Variants in GTPBP2 observed in about 807,000 individuals in gnomAD.
GTPBP2 encodes GTP binding protein 2.
Under a neutral mutation model 63.0 loss-of-function variants are expected in GTPBP2, and 32 were observed. The ratio of observed to expected loss-of-function variants is 0.51; its 90% confidence interval spans 0.38 to 0.68. The LOEUF (loss-of-function observed/expected upper bound fraction) is 0.68, where lower values mean the gene tolerates loss of function less well. Among genes scored for constraint, GTPBP2 ranks in the 30% least tolerant of loss-of-function variants. The pLI is 0.00. For synonymous variants in GTPBP2, 310 were observed against 322.6 expected, an observed-to-expected ratio of 0.96 and a Z score of 0.42; for missense variants, 492 against 796.9, an observed-to-expected ratio of 0.62 and a Z score of 4.61.
At chr6:43,623,551 T>A in intron 9 of GTPBP2, 186 bp downstream of exon 9, 3 of 611,962 alleles carry the variant, frequency 4.9e-6, no homozygotes, top group Non-Finnish European at 8.8e-6. Flanking sequence ...AGCAATACTG[T>A]TTCTTCCCTC....
rs1768646847 is a variant in GTPBP2 at position 43,620,525 on chromosome 6, A to G, written c.*1089T>C. On this transcript the variant is annotated 3_prime_UTR_variant, in exon 12 of 12. Transcript: ENST00000307126. ...AAAACATTTTTATTCTGTACAATAT[A>G]TATGTGTATTTAAATATATATACAT... is the stretch of plus-strand genomic sequence containing the variant. 1 of 214,032 alleles carries G rather than the reference A, an allele frequency of 4.7e-6. No homozygotes were observed. Among genetic ancestry groups the G allele is most frequent in the Non-Finnish European group, 9.5e-6 (1 of 105,310 alleles). 13.3% of individuals were successfully genotyped at this position (214,032 alleles called of 1,614,324 possible).
chr6:43,624,164 TG>T lies in GTPBP2; in HGVS notation c.1101-97del. On this transcript the variant is annotated intron_variant, in intron 7 of 11. Transcript: ENST00000307126. The surrounding 1 kb of genome is among the most constrained non-coding windows in gnomAD (Gnocchi z 5.1). ...ATGGAAAGGTGAGCTTTGTTCTGGC[TG>T]GGGGCCCCTCTCTCCTGTCTGCAAA... The T allele has an allele frequency of 8.6e-7, 1 of 1,156,980 alleles. No individual in the cohort carries two copies. Among genetic ancestry groups the T allele is most frequent in the Non-Finnish European group, 1.2e-6 (1 of 825,236 alleles). The allele number at this position is 1,156,980 out of a possible 1,614,324, so 71.7% of individuals were successfully genotyped here.
In GTPBP2 at chr6:43,625,901, G is replaced by A; in HGVS notation, c.399-37C>T. The A allele has an allele frequency of 6.6e-7, 1 of 1,505,246 alleles. No homozygotes were observed. The highest frequency in any genetic ancestry group is 1.1e-5 in the South Asian group (1 of 88,984). The allele number at this position is 1,505,246 out of a possible 1,614,324, so 93.2% of individuals were successfully genotyped here. A position where few individuals can be genotyped will look rare whatever the true frequency, so the allele number is the denominator to read the frequency against. On this transcript the variant is annotated intron_variant, in intron 3 of 11. Coordinates refer to ENST00000307126, the MANE Select transcript of GTPBP2 (RefSeq NM_019096.5). The surrounding 1 kb of genome is among the most constrained non-coding windows in gnomAD (Gnocchi z 5.1). ...AGGCCACAGCTGCCATATCTCACCT[G>A]TCCTTCTCCTATTCCAGGCTCGCTC...
In GTPBP2 at chr6:43,623,913, A is replaced by G. The variant is rs778667299; in HGVS notation, c.1236+20T>C. On this transcript the variant is annotated intron_variant, in intron 8 of 11. Coordinates refer to ENST00000307126, the MANE Select transcript of GTPBP2 (RefSeq NM_019096.5). ...CCCTCCCTGTTTCCCAGCCTATTAG[A>G]TGTTTGGGCAGTCAACTACCTGGAA... The G allele has an allele frequency of 1.9e-6, 3 of 1,613,664 alleles. No homozygotes were observed. The highest frequency in any genetic ancestry group is 2.5e-6 in the Non-Finnish European group (3 of 1,179,712).
chr6:43,622,512 G>A lies in GTPBP2; in HGVS notation c.1467+121C>T, dbSNP rs1768852798. On this transcript the variant is annotated intron_variant, in intron 10 of 11. Transcript: ENST00000307126. The surrounding 1 kb of genome is among the most constrained non-coding windows in gnomAD (Gnocchi z 5.4). ...TACGTAGCTAGACCAGAAGCTTCTTGGGTCAGAGAGTGTGTTTCCTCTGAG... is the reference window on the plus strand; with the variant it reads ...TACGTAGCTAGACCAGAAGCTTCTTAGGTCAGAGAGTGTGTTTCCTCTGAG... The A allele has an allele frequency of 3.2e-6, 3 of 937,630 alleles. No homozygotes were observed. The highest frequency in any genetic ancestry group is 3.3e-5 in the African/African-American group (2 of 59,780). 58.1% of individuals were successfully genotyped at this position (937,630 alleles called of 1,614,324 possible). A position where few individuals can be genotyped will look rare whatever the true frequency, so the allele number is the denominator to read the frequency against.
Position 43,621,238 on chromosome 6 carries a change from G to A in GTPBP2, c.*376C>T. On this transcript the variant is annotated 3_prime_UTR_variant, in exon 12 of 12. Coordinates refer to ENST00000307126, the MANE Select transcript of GTPBP2 (RefSeq NM_019096.5). ...GGAGTGCTTTTGAGGGCTACCCCCT[G>A]TTGTGACCATTCCTGAAGTGCAGAG... 2.5e-6 allele frequency: 1 copy of A among 406,246 alleles called. No homozygotes were observed. The allele number at this position is 406,246 out of a possible 1,614,324, so 25.2% of individuals were successfully genotyped here. A position where few individuals can be genotyped will look rare whatever the true frequency, so the allele number is the denominator to read the frequency against.
Position 43,629,199 on chromosome 6 carries a change from C to T in GTPBP2, c.-37G>A, listed in dbSNP as rs1769724943. The T allele has an allele frequency of 7.6e-7, 1 of 1,319,178 alleles. No individual in the cohort carries two copies. Among genetic ancestry groups the T allele is most frequent in the African/African-American group, 1.6e-5 (1 of 63,982 alleles). The allele number at this position is 1,319,178 out of a possible 1,614,324, so 81.7% of individuals were successfully genotyped here. ...GCCAGCCCCCCGCCCGGCCCCTCCCCCGACCGCCGCCGCCGTCGCCGCCGC... is the reference window on the plus strand; with the variant it reads ...GCCAGCCCCCCGCCCGGCCCCTCCCTCGACCGCCGCCGCCGTCGCCGCCGC... On this transcript the variant is annotated 5_prime_UTR_variant, in exon 1 of 12. Coordinates refer to ENST00000307126, the MANE Select transcript of GTPBP2 (RefSeq NM_019096.5).
rs1228411444 is a variant in GTPBP2, at chr6:43,626,349, C to T, written c.275G>A (p.Arg92Gln). 5 of 1,614,212 alleles carry T rather than the reference C, an allele frequency of 3.1e-6. No individual in the cohort carries two copies. The highest frequency in any genetic ancestry group is 1.1e-5 in the South Asian group (1 of 91,084). Residue 92 changes from arginine to glutamine, a missense_variant, in exon 3 of 12, where the codon CGG becomes CAG. By Grantham distance (43) the Arg-to-Gln change is conservative. This residue lies in a region of GTPBP2 where 400 missense variants were observed against 710.8 expected (regional missense o/e 0.56). Transcript: ENST00000307126. This position sits in a 1 kb window ranked among gnomAD's most constrained non-coding sequence, Gnocchi z 4.0. Reference sequence around the variant, plus strand: ...GGCCTCACCACGTCCCTCCTGGAGCCGCCACTTCATTTGTGTCACCAGGTG... The same window carrying T: ...GGCCTCACCACGTCCCTCCTGGAGCTGCCACTTCATTTGTGTCACCAGGTG... Reference protein sequence around the residue: ...FEHLVTQMKWRLQEGRGEAVY... With the variant: ...FEHLVTQMKWQLQEGRGEAVY...
Position 43,622,789 on chromosome 6 carries a change from C to G in GTPBP2, c.1311G>C (p.Glu437Asp), listed in dbSNP as rs767105036. The G allele has an allele frequency of 2.5e-6, 4 of 1,613,392 alleles. No homozygotes were observed. Among genetic ancestry groups the G allele is most frequent in the South Asian group, 1.1e-5 (1 of 91,036 alleles). ...TGGGGCCCACCACCAGCTGGTCCCC[C>G]TCACGGCAAATCCCACTGCAGCCCA... ...GGTLSSGICR[E>D]GDQLVVGPTD... Residue 437 changes from glutamate to aspartate, a missense_variant, in exon 10 of 12, where the codon GAG (glutamate) becomes GAC (aspartate). Glu to Asp is a conservative substitution (Grantham distance 45). Coordinates refer to ENST00000307126, the MANE Select transcript of GTPBP2 (RefSeq NM_019096.5). The surrounding 1 kb of genome is among the most constrained non-coding windows in gnomAD (Gnocchi z 5.4).
At chr6:43,628,931 C>T (rs1470577650) in intron 1 of GTPBP2, 46 bp downstream of exon 1, 1 of 1,583,086 alleles carries the variant, frequency 6.3e-7, no homozygotes, top group South Asian at 1.1e-5. Context: ...AGTCCTGGGC[C>T]GGAAAGAGTG....
In GTPBP2 at chr6:43,625,413, G is replaced by A. The variant is rs745610059; in HGVS notation, c.655C>T (p.Arg219Ter). 6 of 1,613,860 alleles carry A rather than the reference G, an allele frequency of 3.7e-6. No homozygotes were observed. The highest frequency in any genetic ancestry group is 3.3e-5 in the South Asian group (3 of 91,072). Residue 219 changes from arginine to a stop codon, truncating the protein, a stop_gained, in exon 5 of 12, where the codon CGA becomes TGA. Transcript: ENST00000307126. LOFTEE classifies it high-confidence loss of function. The surrounding 1 kb of genome is among the most constrained non-coding windows in gnomAD (Gnocchi z 5.1). ...FRHLHEIQSGRTSSISFEILG... is the reference protein window; with the variant it reads ...FRHLHEIQSG ...ATCTCGAAGCTGATGCTGGAGGTTC[G>A]GCCAGACTGAATCTCATGCAGGTGG...
Position 43,622,905 on chromosome 6 carries a change from C to G in GTPBP2, c.1296-101G>C. The stretch of plus-strand genomic sequence containing the variant: ...CATTCCTTCCCTTCTAGGGTTGAGT[C>G]CCTCAAGTGGGGAAGAACCCTAAAT... On this transcript the variant is annotated intron_variant, in intron 9 of 11. Transcript: ENST00000307126. This position sits in a 1 kb window ranked among gnomAD's most constrained non-coding sequence, Gnocchi z 5.4. The G allele has an allele frequency of 1.1e-6, 1 of 937,194 alleles. No individual in the cohort carries two copies. The highest frequency in any genetic ancestry group is 1.6e-6 in the Non-Finnish European group (1 of 630,640). The allele number at this position is 937,194 out of a possible 1,614,324, so 58.1% of individuals were successfully genotyped here.
At chr6:43,628,487 T>C in intron 1 of GTPBP2, 1 of 794,248 alleles carries the variant, frequency 1.3e-6, no homozygotes, top group Non-Finnish European at 1.5e-6. Flanking sequence ...TGTGTGTGTG[T>C]GTGTGTGTGT....
upstream of GTPBP2, chr6:43,629,517 C>G (rs982128175): frequency 3.2e-6 from 2 of 617,034 alleles, no homozygotes; most frequent in Non-Finnish European, 5.7e-6. Context: ...AGTCCTCGCG[C>G]TATGTTCTTT....
upstream of GTPBP2, among the ~76,000 whole-genome samples, chr6:43,631,256 C>T (rs1425726923): frequency 2.0e-5 from 3 of 152,116 alleles, no homozygotes; most frequent in Admixed American, 6.6e-5. Flanking sequence ...AAGGTTATGC[C>T]GTAGAGGTCA....
rs748852772 is a variant in GTPBP2 at position 43,621,751 on chromosome 6, G to A, written c.1672C>T (p.Arg558Cys). The A allele has an allele frequency of 1.1e-5, 17 of 1,614,032 alleles. No individual in the cohort carries two copies. Among genetic ancestry groups the A allele is most frequent in the South Asian group, 2.2e-5 (2 of 91,082 alleles). The change falls in exon 12 of 12, where the codon CGC becomes TGC. Residue 558 changes from arginine to cysteine, a missense_variant. Transcript: ENST00000307126. ...AGGTACTCTGGGTGTTTCAGGAAGC[G>A]GAAACGTACCACTGCCTTCTCGCCT... The part of the protein sequence containing the change: ...RTGEKAVVRF[R>C]FLKHPEYLKV...
chr6:43,624,495 G>A lies in GTPBP2; in HGVS notation c.1100+15C>T, dbSNP rs1028132961. The A allele has an allele frequency of 6.3e-7, 1 of 1,591,482 alleles. No individual in the cohort carries two copies. Among genetic ancestry groups the A allele is most frequent in the Non-Finnish European group, 8.6e-7 (1 of 1,162,596 alleles). ...CTTCCTAGTGGATCAGGGCTTTAGA[G>A]TAAGGTGGGCTTACTTGGGTGACTG... On this transcript the variant is annotated intron_variant, in intron 7 of 11. Coordinates refer to ENST00000307126, the MANE Select transcript of GTPBP2 (RefSeq NM_019096.5). The surrounding 1 kb of genome is among the most constrained non-coding windows in gnomAD (Gnocchi z 5.1).
chr6:43,621,822 A>G (rs1393055382), intron 11 of GTPBP2, 32 bp from the exon 12 acceptor site: 3 of 1,613,948 alleles, frequency 1.9e-6, no homozygotes, highest in Non-Finnish European at 2.5e-6. Context: ...TCCCCTGGCC[A>G]GTGCCTTCTG....
In GTPBP2 at chr6:43,623,923, A is replaced by C. The variant is rs905761185; in HGVS notation, c.1236+10T>G. ...TTCCCAGCCTATTAGATGTTTGGGCAGTCAACTACCTGGAACTCCGTCAGC... is the reference window on the plus strand; with the variant it reads ...TTCCCAGCCTATTAGATGTTTGGGCCGTCAACTACCTGGAACTCCGTCAGC... On this transcript the variant is annotated intron_variant, in intron 8 of 11. Coordinates refer to ENST00000307126, the MANE Select transcript of GTPBP2 (RefSeq NM_019096.5). 2.5e-6 allele frequency: 4 copies of C among 1,613,860 alleles called. No homozygotes were observed. In the South Asian group the frequency reaches 3.3e-5, roughly 13 times the overall value.
Sources: gnomAD v4.1 joint callset for allele counts (sites outside exome capture counted in the v4.1 genomes callset) on GRCh38, gnomAD v4.1.1 for gene constraint, gnomAD v4.1.1 regional missense constraint, Gnocchi (gnomAD v3.1) non-coding constraint, MANE v1.5 for transcripts, NCBI Gene and HGNC (gene_info 2026-07-23, HGNC 2026-07-21) for gene names.